BBS5: variants seen among roughly 807,000 people sequenced by gnomAD.
The protein encoded by BBS5 is Bardet-Biedl syndrome 5.
A neutral mutation model predicts 50.2 loss-of-function variants in BBS5; 39 were observed. The ratio of observed to expected loss-of-function variants is 0.78; its 90% confidence interval spans 0.60 to 1.01. The LOEUF is 1.01. BBS5 is among the 50% of genes least tolerant of loss of function. The pLI is 0.00. For missense variants in BBS5, 356 were observed against 401.5 expected, an observed-to-expected ratio of 0.89 and a Z score of 0.97; for synonymous variants, 134 against 133.1, an observed-to-expected ratio of 1.01 and a Z score of -0.05.
intron 5 of BBS5, among the ~76,000 whole-genome samples, chr2:169,489,570 T>G: frequency 6.7e-6 from 1 of 149,010 alleles, no homozygotes; most frequent in East Asian, 2.1e-4. Flanking sequence ...CCTCCCAGAG[T>G]GCTGGGATTA....
Position 169,505,168 on chromosome 2 carries a change from G to T in BBS5, c.*586G>T. On this transcript the variant is annotated 3_prime_UTR_variant, in exon 12 of 12. Transcript: ENST00000295240. ...GACGGGGTTTCGCTGTGTTGGCCGG[G>T]CTGGTCTCCAGCTCCTAACCGCGAG... The T allele has an allele frequency of 3.3e-6, 2 of 608,516 alleles. No homozygotes were observed. The highest frequency in any genetic ancestry group is 5.9e-6 in the Non-Finnish European group (2 of 339,388). The allele number at this position is 608,516 out of a possible 1,614,324, so 37.7% of individuals were successfully genotyped here. A position where few individuals can be genotyped will look rare whatever the true frequency, so the allele number is the denominator to read the frequency against.
rs573312304 is a variant in BBS5, at chr2:169,502,304, C to T, written c.817-791C>T. 1.4e-4 allele frequency among the ~76,000 whole-genome samples: 22 copies of T among 152,178 alleles called. 1 individual carries two copies. The South Asian group carries it at 4.6e-3, about 32-fold the overall frequency. On this transcript the variant is annotated intron_variant, in intron 9 of 11. Transcript: ENST00000295240. Reference sequence around the variant, plus strand: ...TACTGTGAGGCATATTATTATTATCCTTATCCCACAGTTAAGGAGACTGAG... The same window carrying T: ...TACTGTGAGGCATATTATTATTATCTTTATCCCACAGTTAAGGAGACTGAG...
Position 169,497,598 on chromosome 2 carries a change from C to T in BBS5, c.619-29C>T, listed in dbSNP as rs1316769680. On this transcript the variant is annotated intron_variant, in intron 7 of 11. Transcript: ENST00000295240. The stretch of plus-strand genomic sequence containing the variant: ...TCACTATTCAGTTAATAAAAACTTG[C>T]ATGTTTTTCTTTTTCATTTTGTATC... 2.2e-6 allele frequency: 3 copies of T among 1,353,274 alleles called. No homozygotes were observed. In the African/African-American group the frequency reaches 4.3e-5, roughly 19 times the overall value. The allele number at this position is 1,353,274 out of a possible 1,614,324, so 83.8% of individuals were successfully genotyped here. A position where few individuals can be genotyped will look rare whatever the true frequency, so the allele number is the denominator to read the frequency against.
rs2105291758 is a variant in BBS5, at chr2:169,482,342, A to G, written c.142+9A>G. The G allele has an allele frequency of 6.7e-7, 1 of 1,493,490 alleles. No homozygotes were observed. Among genetic ancestry groups the G allele is most frequent in the East Asian group, 2.3e-5 (1 of 44,196 alleles). The allele number at this position is 1,493,490 out of a possible 1,614,324, so 92.5% of individuals were successfully genotyped here. A position where few individuals can be genotyped will look rare whatever the true frequency, so the allele number is the denominator to read the frequency against. ...AAATAATGGAGATAGAGGTGAGTAT[A>G]TTTTTAAATGTATCTTATATTCCTG... On this transcript the variant is annotated intron_variant, in intron 2 of 11. Coordinates refer to ENST00000295240, the MANE Select transcript of BBS5 (RefSeq NM_152384.3).
chr2:169,483,281 T>C (rs1683432267), intron 2 of BBS5, among the ~76,000 whole-genome samples: 1 of 152,182 alleles, frequency 6.6e-6, no homozygotes. Context: ...CCTGCTTCTC[T>C]GAGATTGGTT....
At chr2:169,495,440 T>C (rs1460691159) in intron 7 of BBS5, among the ~76,000 whole-genome samples, 2 of 152,208 alleles carry the variant, frequency 1.3e-5, no homozygotes, top group East Asian at 3.8e-4. Context: ...CTGGAATTAA[T>C]TCAAGTGGCC....
chr2:169,504,402 T>C, intron 11 of BBS5, 76 bp downstream of exon 11: 1 of 1,587,696 alleles, frequency 6.3e-7, no homozygotes, highest in Middle Eastern at 1.7e-4. Context: ...CAAACTTATG[T>C]GAAACCTATT....
chr2:169,493,136 TCA>T (rs1365563650), intron 6 of BBS5, 127 bp downstream of exon 6: 1 of 1,115,800 alleles, frequency 9.0e-7, no homozygotes, highest in African/African-American at 1.5e-5. Context: ...GTATTACTTT[TCA>T]ATAAGTACAA....
At chr2:169,491,764 A>G (rs1415577484) in intron 5 of BBS5, among the ~76,000 whole-genome samples, 1 of 152,064 alleles carries the variant, frequency 6.6e-6, no homozygotes, top group African/African-American at 2.4e-5. Flanking sequence ...ATAGAGGTAG[A>G]CATGAGCATG....
Position 169,504,471 on chromosome 2 carries a change from TC to T in BBS5, c.925-7del. 6.2e-7 allele frequency: 1 copy of T among 1,611,926 alleles called. No homozygotes were observed. The highest frequency in any genetic ancestry group is 8.5e-7 in the Non-Finnish European group (1 of 1,178,044). On this transcript the variant is annotated splice_polypyrimidine_tract_variant and intron_variant, in intron 11 of 11. Transcript: ENST00000295240. ...TCTATTCCCATCTTATCCTCCTGTC[TC>T]CCAAAAAGCAACAAGATCGTGAACC...
chr2:169,489,705 A>AT (rs544111691), intron 5 of BBS5, among the ~76,000 whole-genome samples: 289 of 150,286 alleles, frequency 1.9e-3, no homozygotes, highest in African/African-American at 6.6e-3. Context: ...AAGTGCTATG[A>AT]TTTTTTTTAA....
intron 7 of BBS5, 38 bp downstream of exon 7, chr2:169,493,874 A>G: frequency 7.2e-7 from 1 of 1,382,110 alleles, no homozygotes; most frequent in Non-Finnish European, 1.0e-6. Flanking sequence ...TTTTAATGTA[A>G]AATAAATATT....
intron 1 of BBS5, among the ~76,000 whole-genome samples, chr2:169,481,151 C>G (rs1683385407): frequency 6.6e-6 from 1 of 152,174 alleles, no homozygotes; most frequent in Non-Finnish European, 1.5e-5. Flanking sequence ...GAGATACATA[C>G]AGACAACCAC....
At position 169,497,381 on chromosome 2, in the gene BBS5, C is replaced by A. The variant is rs79531285; in HGVS notation, c.619-246C>A. Among the ~76,000 whole-genome samples, 1,332 of 152,100 alleles carry A rather than the reference C, an allele frequency of 8.8e-3. 26 individuals are homozygous for A. The highest frequency in any genetic ancestry group is 0.03 in the African/African-American group (1,257 of 41,496). On this transcript the variant is annotated intron_variant, in intron 7 of 11. Transcript: ENST00000295240. Reference sequence around the variant, plus strand: ...CCTGGAAGTGAGAAATATTTGAGTCCGGGAATTTTGTACATATTTCAGAGA... The same window carrying A: ...CCTGGAAGTGAGAAATATTTGAGTCAGGGAATTTTGTACATATTTCAGAGA...
chr2:169,480,210 T>C (rs913195306), intron 1 of BBS5, among the ~76,000 whole-genome samples: 5 of 152,226 alleles, frequency 3.3e-5, no homozygotes, highest in African/African-American at 9.7e-5. Context: ...AGGAGTCTTC[T>C]TTTGCAACCT....
intron 9 of BBS5, among the ~76,000 whole-genome samples, chr2:169,501,270 A>G (rs1403976676): frequency 6.6e-6 from 1 of 151,968 alleles, no homozygotes; most frequent in Non-Finnish European, 1.5e-5. Context: ...CCATTATCTC[A>G]TTTTACACTT....
At chr2:169,504,352 T>C (rs1683862256) in intron 11 of BBS5, 26 bp downstream of exon 11, 1 of 1,609,716 alleles carries the variant, frequency 6.2e-7, no homozygotes, top group Non-Finnish European at 8.5e-7. Flanking sequence ...TTACCTACAG[T>C]ATATGAAAAA....
intron 1 of BBS5, 28 bp from the exon 2 acceptor site, chr2:169,482,222 TA>T (rs1674209684): frequency 6.9e-7 from 1 of 1,440,678 alleles, no homozygotes; most frequent in Non-Finnish European, 9.8e-7. Flanking sequence ...GTTGTAGCTA[TA>T]AAATTCAAAC....
intron 5 of BBS5, among the ~76,000 whole-genome samples, chr2:169,491,035 G>T (rs927753255): frequency 6.6e-5 from 10 of 152,124 alleles, no homozygotes; most frequent in Admixed American, 3.3e-4. Context: ...TCCATTGTAT[G>T]GGCATACCAC....
Sources: gnomAD v4.1 joint callset for allele counts (sites outside exome capture counted in the v4.1 genomes callset) on GRCh38, gnomAD v4.1.1 for gene constraint, MANE v1.5 for transcripts, NCBI Gene and HGNC (gene_info 2026-07-23, HGNC 2026-07-21) for gene names.